Variants in MYZAP observed in about 807,000 individuals in gnomAD.
The protein encoded by MYZAP is GRINL1A complex locus upstream.
A neutral mutation model predicts 69.4 loss-of-function variants in MYZAP; 66 were observed. The observed-to-expected ratio is 0.95, with a 90% CI of 0.78 to 1.17. The LOEUF (loss-of-function observed/expected upper bound fraction) is 1.17. MYZAP is among the 50% of genes most tolerant of loss of function. The probability of loss-of-function intolerance (pLI) is 0.00; values close to 1 mark genes in which losing one functional copy is unlikely to be tolerated. For missense variants in MYZAP, 611 were observed against 556.2 expected (o/e 1.10, Z -0.99); for synonymous variants, 256 against 205.9 (o/e 1.24, Z -2.09).
intron 10 of MYZAP, chr15:57,647,783 C>G (rs1367338983): frequency 1.0e-6 from 1 of 985,296 alleles, no homozygotes; most frequent in Non-Finnish European, 1.2e-6. Context: ...CTTCTTAGAT[C>G]TGGGTTCCTT....
At chr15:57,625,316 C>T (rs1389742778) in intron 4 of MYZAP, among the ~76,000 whole-genome samples, 4 of 152,224 alleles carry the variant, frequency 2.6e-5, no homozygotes, top group African/African-American at 7.2e-5. Context: ...TCAGGTGATC[C>T]GACCGCCTCG....
intron 7 of MYZAP, among the ~76,000 whole-genome samples, chr15:57,633,160 A>G (rs2036608132): frequency 6.6e-6 from 1 of 152,190 alleles, no homozygotes; most frequent in Admixed American, 6.5e-5. Context: ...GTGTCCGTAG[A>G]GGCTTAATAC....
chr15:57,628,583 G>T (rs902825315), intron 5 of MYZAP, among the ~76,000 whole-genome samples: 15 of 152,262 alleles, frequency 9.9e-5, no homozygotes, highest in Non-Finnish European at 1.8e-4. Context: ...CCTTGCTTCA[G>T]TGCGGCCTGG....
At chr15:57,684,013 C>T (rs1180958191) in intron 12 of MYZAP, among the ~76,000 whole-genome samples, 1 of 152,060 alleles carries the variant, frequency 6.6e-6, no homozygotes, top group East Asian at 1.9e-4. Flanking sequence ...AGGCTGGTCA[C>T]GAACTCCCGA....
intron 1 of MYZAP, among the ~76,000 whole-genome samples, chr15:57,593,214 A>ACACACACACACACACCCCCC (rs1172761785): frequency 7.1e-6 from 1 of 141,346 alleles, no homozygotes; most frequent in African/African-American, 2.8e-5. Flanking sequence ...ACACACACAC[A>ACACACACACACACACCCCCC]CCCCAGAATC....
chr15:57,660,473 C>G (rs1194884127), intron 10 of MYZAP, among the ~76,000 whole-genome samples: 1 of 152,060 alleles, frequency 6.6e-6, no homozygotes, highest in Admixed American at 6.6e-5. Flanking sequence ...CACCACCACA[C>G]CCAGCTAATT....
intron 8 of MYZAP, among the ~76,000 whole-genome samples, chr15:57,634,819 C>G (rs1230333101): frequency 1.3e-5 from 2 of 152,194 alleles, no homozygotes; most frequent in African/African-American, 4.8e-5. Context: ...AGAATCCCAT[C>G]TTTTATTGAA....
At chr15:57,625,096 C>T (rs1389679000) in intron 4 of MYZAP, among the ~76,000 whole-genome samples, 1 of 151,316 alleles carries the variant, frequency 6.6e-6, no homozygotes, top group African/African-American at 2.4e-5. Flanking sequence ...TCGCTGTTGT[C>T]ACCCAGGCTG....
At chr15:57,625,623 C>T (rs2470360) in intron 4 of MYZAP, among the ~76,000 whole-genome samples, 156 bp from the exon 5 acceptor site, 50,510 of 152,094 alleles carry the variant, frequency 0.33, 8,581 homozygotes, top group East Asian at 0.55. Flanking sequence ...GCCCTTCTCT[C>T]TGGATCATGC....
At chr15:57,599,352 A>G (rs200212116) in intron 1 of MYZAP, 2 of 476,956 alleles carry the variant, frequency 4.2e-6, no homozygotes. Flanking sequence ...GGAGGCCAGC[A>G]TTTTTTTTTT....
intron 4 of MYZAP, among the ~76,000 whole-genome samples, chr15:57,624,154 G>A (rs2035986306): frequency 6.6e-6 from 1 of 152,184 alleles, no homozygotes; most frequent in Admixed American, 6.5e-5. Context: ...CCTTCTTCTA[G>A]TTTAGCCAAG....
intron 1 of MYZAP, among the ~76,000 whole-genome samples, chr15:57,604,018 G>A (rs1316158321): frequency 6.6e-6 from 1 of 152,198 alleles, no homozygotes; most frequent in East Asian, 1.9e-4. Flanking sequence ...GTAAAGAAAT[G>A]TTTGAAATAG....
chr15:57,618,336 C>T (rs2035606425), intron 3 of MYZAP, 148 bp downstream of exon 3: 1 of 1,303,466 alleles, frequency 7.7e-7, no homozygotes, highest in African/African-American at 1.5e-5. Context: ...TTCTGTGTAT[C>T]TTCATGGTAA....
chr15:57,645,270 G>A (rs1303050232), intron 10 of MYZAP, among the ~76,000 whole-genome samples: 1 of 152,100 alleles, frequency 6.6e-6, no homozygotes, highest in African/African-American at 2.4e-5. Flanking sequence ...AGTTCCTTGG[G>A]GGAAACAAAC....
chr15:57,681,918 CT>C (rs1225615489), intron 12 of MYZAP, among the ~76,000 whole-genome samples: 1 of 152,104 alleles, frequency 6.6e-6, no homozygotes, highest in Non-Finnish European at 1.5e-5. Context: ...CCCTGCCATG[CT>C]TTTTAATACA....
At chr15:57,678,191 G>T (rs1027496802) in intron 12 of MYZAP, among the ~76,000 whole-genome samples, 1 of 152,076 alleles carries the variant, frequency 6.6e-6, no homozygotes, top group Non-Finnish European at 1.5e-5. Flanking sequence ...ATGAAACCCT[G>T]TCTCTACTAA....
intron 10 of MYZAP, among the ~76,000 whole-genome samples, chr15:57,649,077 C>A (rs1034686072): frequency 1.4e-4 from 22 of 151,868 alleles, no homozygotes; most frequent in African/African-American, 5.3e-4. Flanking sequence ...GCTGTTATTC[C>A]ACATAGATCT....
At chr15:57,628,911 C>A (rs1019596956) in intron 5 of MYZAP, among the ~76,000 whole-genome samples, 29 of 151,896 alleles carry the variant, frequency 1.9e-4, no homozygotes, top group Admixed American at 7.9e-4. Context: ...GGTGAAACCC[C>A]ATCTCCACTA....
chr15:57,660,276 C>T (rs1220258681), intron 10 of MYZAP, among the ~76,000 whole-genome samples: 2 of 152,162 alleles, frequency 1.3e-5, no homozygotes, highest in East Asian at 1.9e-4. Flanking sequence ...GCTATATTCG[C>T]TTCCATAGGA....
Sources: gnomAD v4.1 joint callset for allele counts (sites outside exome capture counted in the v4.1 genomes callset) on GRCh38, gnomAD v4.1.1 for gene constraint, MANE v1.5 for transcripts, NCBI Gene and HGNC (gene_info 2026-07-23, HGNC 2026-07-21) for gene names.